CLPTM1L: variants seen among roughly 807,000 people sequenced by gnomAD.
The protein encoded by CLPTM1L is CLPTM1 like, also known as lipid scramblase CLPTM1L.
A neutral mutation model predicts 70.9 loss-of-function variants in CLPTM1L; 38 were observed. That is an observed-to-expected ratio of 0.54 (90% confidence interval 0.41 to 0.70). The LOEUF is 0.70. Ranked by LOEUF, CLPTM1L falls within the 30% of genes least tolerant of loss-of-function variation. The pLI, the probability that CLPTM1L is intolerant of heterozygous loss-of-function variation, is 0.00. For missense variants in CLPTM1L, 652 were observed against 705.9 expected, an observed-to-expected ratio of 0.92 and a Z score of 0.87; for synonymous variants, 339 against 299.9, an observed-to-expected ratio of 1.13 and a Z score of -1.35.
intron 2 of CLPTM1L, among the ~76,000 whole-genome samples, chr5:1,343,211 G>A (rs934806066): frequency 2.6e-5 from 4 of 151,870 alleles, no homozygotes; most frequent in Admixed American, 6.6e-5. Flanking sequence ...AAAATCTTAC[G>A]GCCAAAGTTG....
rs1450112026 is a variant in CLPTM1L at position 1,339,678 on chromosome 5, C to A, written c.454-673G>T. On this transcript the variant is annotated intron_variant, in intron 3 of 16. Coordinates refer to ENST00000320895, the MANE Select transcript of CLPTM1L (RefSeq NM_030782.5). ...CCTAACCTGTGAACAGATGGCCACACAGATGGGCAAACTGTGCCCGGGACA... is the reference window on the plus strand; with the variant it reads ...CCTAACCTGTGAACAGATGGCCACAAAGATGGGCAAACTGTGCCCGGGACA... 8.4e-4 allele frequency among the ~76,000 whole-genome samples: 63 copies of A among 75,148 alleles called. 1 individual carries two copies. Among genetic ancestry groups the A allele is most frequent in the African/African-American group, 8.5e-4 (10 of 11,744 alleles). 49.3% of individuals were successfully genotyped at this position (75,148 alleles called of 152,430 possible). A position where few individuals can be genotyped will look rare whatever the true frequency, so the allele number is the denominator to read the frequency against.
chr5:1,320,609 C>A lies in CLPTM1L; in HGVS notation c.1532+7G>T. 2 of 1,508,302 alleles carry A rather than the reference C, an allele frequency of 1.3e-6. No homozygotes were observed. Among genetic ancestry groups the A allele is most frequent in the Non-Finnish European group, 1.8e-6 (2 of 1,116,870 alleles). The allele number at this position is 1,508,302 out of a possible 1,614,324, so 93.4% of individuals were successfully genotyped here. ...AGCAACGGCCGAGCATACGCAGCCG[C>A]ACTCACCACCGCTGGTACAGGTAGA... On this transcript the variant is annotated splice_region_variant and intron_variant, in intron 16 of 16. Transcript: ENST00000320895.
At position 1,324,807 on chromosome 5, in the gene CLPTM1L, T is replaced by A. The variant is rs141919036; in HGVS notation, c.1153A>T (p.Thr385Ser). The change falls in exon 11 of 17, where the codon ACT (threonine) becomes TCT (serine). Residue 385 changes from threonine to serine, a missense_variant. Physicochemically the swap from Thr to Ser is moderately conservative, Grantham distance 58 (BLOSUM62 1). Around this residue, in one of 3 missense-constraint regions of CLPTM1L, gnomAD observed 240 missense variants for 295.0 expected, o/e 0.81. Coordinates refer to ENST00000320895, the MANE Select transcript of CLPTM1L (RefSeq NM_030782.5). ...RGLMPEFQFG[T>S]YSESERKTEE... ...GTTTTCCTCTCAGATTCGCTGTAAG[T>A]GCCAAACTGTTGTGAAATTCAACAC... is the stretch of plus-strand genomic sequence containing the variant. 5.0e-6 allele frequency: 8 copies of A among 1,613,884 alleles called. No individual in the cohort carries two copies. Among genetic ancestry groups the A allele is most frequent in the Non-Finnish European group, 6.8e-6 (8 of 1,179,864 alleles).
At chr5:1,329,612 A>G (rs1291198956) in intron 9 of CLPTM1L, among the ~76,000 whole-genome samples, 1 of 130,484 alleles carries the variant, frequency 7.7e-6, no homozygotes, top group Non-Finnish European at 1.6e-5. Context: ...CCTGGTGGAC[A>G]GGGCCTCAGG....
chr5:1,322,762 A>G (rs1017234766), intron 13 of CLPTM1L, 115 bp downstream of exon 13: 1 of 1,040,916 alleles, frequency 9.6e-7, no homozygotes, highest in Non-Finnish European at 1.5e-6. Context: ...CAGGGTGGGG[A>G]GGGATTAGCC....
Position 1,320,751 on chromosome 5 carries a change from G to A in CLPTM1L, c.1417-20C>T. ...GAAAGCCTGCAGGGCCAGACGGGAG[G>A]AGGGTGAACCCCAGTTGCTGGGGCT... On this transcript the variant is annotated intron_variant, in intron 15 of 16. Coordinates refer to ENST00000320895, the MANE Select transcript of CLPTM1L (RefSeq NM_030782.5). 6 of 1,424,278 alleles carry A rather than the reference G, an allele frequency of 4.2e-6. No homozygotes were observed. Among genetic ancestry groups the A allele is most frequent in the Non-Finnish European group, 5.8e-6 (6 of 1,039,290 alleles). The allele number at this position is 1,424,278 out of a possible 1,614,324, so 88.2% of individuals were successfully genotyped here.
rs1309342988 is a variant in CLPTM1L, at chr5:1,321,835, C to CA, written c.1316-17dup. 1 of 1,611,950 alleles carries CA rather than the reference C, an allele frequency of 6.2e-7. No homozygotes were observed. Among genetic ancestry groups the CA allele is most frequent in the Non-Finnish European group, 8.5e-7 (1 of 1,179,020 alleles). ...GCATAGACCCCTGCAGAAAGACAGA[C>CA]AGCACTCACGAGGTGCGGAGGGCCG... On this transcript the variant is annotated splice_polypyrimidine_tract_variant and intron_variant, in intron 13 of 16. Coordinates refer to ENST00000320895, the MANE Select transcript of CLPTM1L (RefSeq NM_030782.5).
rs1751966588 is a variant in CLPTM1L at position 1,318,542 on chromosome 5, C to A, written c.1533-89G>T. The A allele has an allele frequency of 1.9e-6, 2 of 1,060,064 alleles. No individual in the cohort carries two copies. The highest frequency in any genetic ancestry group is 3.1e-5 in the African/African-American group (2 of 64,000). 65.7% of individuals were successfully genotyped at this position (1,060,064 alleles called of 1,614,324 possible). The stretch of plus-strand genomic sequence containing the variant: ...GACTTGGCATCCTCGATTTATTTTC[C>A]AGTGAGCTGCCACAGTGAGCAAATT... On this transcript the variant is annotated intron_variant, in intron 16 of 16. Coordinates refer to ENST00000320895, the MANE Select transcript of CLPTM1L (RefSeq NM_030782.5). The surrounding 1 kb of genome is among the most constrained non-coding windows in gnomAD (Gnocchi z 8.9).
chr5:1,339,007 T>C lies in CLPTM1L; in HGVS notation c.454-2A>G. ...CGGCTTCTTCTCCGCCTCGATCTGC[T>C]GTTAAGTGAGGAAAACAGAGGCCAA... On this transcript the variant is annotated splice_acceptor_variant, in intron 3 of 16. Transcript: ENST00000320895. LOFTEE classifies it high-confidence loss of function. 2.5e-6 allele frequency: 4 copies of C among 1,611,940 alleles called. No individual in the cohort carries two copies. The highest frequency in any genetic ancestry group is 3.4e-6 in the Non-Finnish European group (4 of 1,178,962).
At chr5:1,341,527 ACG>A in intron 3 of CLPTM1L, 142 bp downstream of exon 3, 2 of 607,984 alleles carry the variant, frequency 3.3e-6, no homozygotes. Flanking sequence ...TCAGAAATGC[ACG>A]CCAGTAACAT....
chr5:1,326,845 G>C lies in CLPTM1L; in HGVS notation c.1081-1029C>G, dbSNP rs373581999. Among the ~76,000 whole-genome samples, 47 of 150,186 alleles carry C rather than the reference G, an allele frequency of 3.1e-4. No individual in the cohort carries two copies. The South Asian group carries it at 9.3e-3, about 30-fold the overall frequency. On this transcript the variant is annotated intron_variant, in intron 9 of 16. Coordinates refer to ENST00000320895, the MANE Select transcript of CLPTM1L (RefSeq NM_030782.5). ...CATTTCATCCAGCTCCTCCTCGACA[G>C]ACACATTTCATCCAGCTCCTCCTCG...
At chr5:1,325,710 T>G (rs758816273) in intron 10 of CLPTM1L, 41 bp downstream of exon 10, 15 of 1,570,436 alleles carry the variant, frequency 9.6e-6, no homozygotes, top group Non-Finnish European at 1.2e-5. Flanking sequence ...ATCACACTCT[T>G]CAGAGAGGCT....
intron 7 of CLPTM1L, among the ~76,000 whole-genome samples, chr5:1,332,679 G>C (rs1753174382): frequency 6.6e-6 from 1 of 152,208 alleles, no homozygotes. Flanking sequence ...GCAGTGCGAT[G>C]AGACAGATAT....
At chr5:1,325,176 AC>A in intron 10 of CLPTM1L, 1 of 343,420 alleles carries the variant, frequency 2.9e-6, no homozygotes, top group Non-Finnish European at 5.3e-6. Context: ...AAGGTGGAAC[AC>A]AGTGGCTGCG....
chr5:1,333,683 C>T (rs1753334744), intron 7 of CLPTM1L, among the ~76,000 whole-genome samples: 5 of 99,586 alleles, frequency 5.0e-5, no homozygotes, highest in Admixed American at 1.6e-4. Context: ...GGGGGGACTA[C>T]TGTAGACACA....
chr5:1,333,204 G>A (rs1579641308), intron 7 of CLPTM1L, among the ~76,000 whole-genome samples: 1 of 35,532 alleles, frequency 2.8e-5, no homozygotes, highest in Non-Finnish European at 4.6e-5. Context: ...GGATAAGGGG[G>A]GACTACTGTA....
intron 10 of CLPTM1L, chr5:1,325,531 C>T (rs1478725978): frequency 3.5e-6 from 2 of 563,956 alleles, no homozygotes; most frequent in Non-Finnish European, 3.2e-6. Flanking sequence ...GAAGTGCTGC[C>T]GTCTGCACTG....
At chr5:1,339,331 G>A (rs533470768) in intron 3 of CLPTM1L, among the ~76,000 whole-genome samples, 205 of 134,530 alleles carry the variant, frequency 1.5e-3, no homozygotes, top group African/African-American at 5.4e-3. Context: ...CAGGGTCAGC[G>A]CCCTAACCTG....
chr5:1,344,707 G>A lies in CLPTM1L; in HGVS notation c.135C>T (p.Pro45=), dbSNP rs1354996634. ...PCSGDANCIQ[P]YLARRPKLQL... is the part of the protein sequence containing the mutation. ...GCAGCTTGGGCCGCCGCGCCAGGTA[G>A]GGCTGGATGCAGTTGGCGTCGCCGG... is the stretch of plus-strand genomic sequence containing the variant. The change falls in exon 1 of 17, where the codon CCC becomes CCT. Residue 45 remains proline (P), a synonymous_variant. Transcript: ENST00000320895. 6.3e-7 allele frequency: 1 copy of A among 1,581,720 alleles called. No homozygotes were observed. The highest frequency in any genetic ancestry group is 2.4e-5 in the East Asian group (1 of 42,310).
Sources: gnomAD v4.1 joint callset for allele counts (sites outside exome capture counted in the v4.1 genomes callset) on GRCh38, gnomAD v4.1.1 for gene constraint, gnomAD v4.1.1 regional missense constraint, Gnocchi (gnomAD v3.1) non-coding constraint, MANE v1.5 for transcripts, NCBI Gene and HGNC (gene_info 2026-07-23, HGNC 2026-07-21) for gene names.